Variants in SH3GL2 observed in about 807,000 individuals in gnomAD.
The protein encoded by SH3GL2 is SH3 domain containing GRB2 like 2, endophilin A1.
Under a neutral mutation model 46.0 loss-of-function variants are expected in SH3GL2, and 24 were observed. The observed-to-expected ratio is 0.52, with a 90% CI of 0.38 to 0.73. The LOEUF (loss-of-function observed/expected upper bound fraction) is 0.73. Among genes scored for constraint, SH3GL2 ranks in the 30% least tolerant of loss-of-function variants. The pLI, the probability that SH3GL2 is intolerant of heterozygous loss-of-function variation, is 0.00. For synonymous variants in SH3GL2, 196 were observed against 147.1 expected (o/e 1.33, Z -2.40); for missense variants, 413 against 424.2 (o/e 0.97, Z 0.23).
At chr9:17,733,633 G>A (rs1257608139) in intron 1 of SH3GL2, among the ~76,000 whole-genome samples, 1 of 151,216 alleles carries the variant, frequency 6.6e-6, no homozygotes, top group Non-Finnish European at 1.5e-5. Context: ...TATACCCAAA[G>A]GACTATAAAT....
In SH3GL2 at chr9:17,738,641, T is replaced by TATATATATATAGAGAG. The variant is rs376280314; in HGVS notation, c.46-8424_46-8423insTATATATATAGAGAGA. Among the ~76,000 whole-genome samples, 431 of 88,838 alleles carry TATATATATATAGAGAG rather than the reference T, an allele frequency of 4.9e-3. 9 individuals are homozygous for TATATATATATAGAGAG. The highest frequency in any genetic ancestry group is 0.015 in the Middle Eastern group (2 of 134). 58.3% of individuals were successfully genotyped at this position (88,838 alleles called of 152,430 possible). ...TCATGTGATTTTATATATATATATATAGAGAGAGAGAGAGAGAGAGAGAGA... is the reference window on the plus strand; with the variant it reads ...TCATGTGATTTTATATATATATATATATATATATATAGAGAGAGAGAGAGAGAGAGAGAGAGAGAGA... On this transcript the variant is annotated intron_variant, in intron 1 of 8. Coordinates refer to ENST00000380607, the MANE Select transcript of SH3GL2 (RefSeq NM_003026.5).
chr9:17,783,663 A>C (rs945818364), intron 3 of SH3GL2, among the ~76,000 whole-genome samples: 9 of 152,142 alleles, frequency 5.9e-5, no homozygotes, highest in Non-Finnish European at 1.2e-4. Flanking sequence ...TACTCATTTT[A>C]GCAGAGGACA....
chr9:17,699,929 G>A (rs1446850093), intron 1 of SH3GL2, among the ~76,000 whole-genome samples: 1 of 152,102 alleles, frequency 6.6e-6, no homozygotes, highest in African/African-American at 2.4e-5. Flanking sequence ...TGTATCAAAA[G>A]GTTTACCTGT....
intron 1 of SH3GL2, among the ~76,000 whole-genome samples, chr9:17,648,033 A>G (rs1254926366): frequency 1.3e-5 from 2 of 152,114 alleles, no homozygotes; most frequent in African/African-American, 4.8e-5. Context: ...TGATTTATTA[A>G]TATTTTCTTT....
intron 1 of SH3GL2, among the ~76,000 whole-genome samples, chr9:17,704,043 C>T (rs1452582612): frequency 6.6e-6 from 1 of 152,026 alleles, no homozygotes; most frequent in Non-Finnish European, 1.5e-5. Context: ...TAGAAAATCC[C>T]ATAGTCTCTG....
intron 3 of SH3GL2, among the ~76,000 whole-genome samples, chr9:17,769,528 G>T (rs1057458420): frequency 6.6e-6 from 1 of 151,836 alleles, no homozygotes. Context: ...CCTGCCTCGG[G>T]GTCTTTGCAC....
At chr9:17,710,531 G>A (rs561956861) in intron 1 of SH3GL2, among the ~76,000 whole-genome samples, 9 of 151,894 alleles carry the variant, frequency 5.9e-5, no homozygotes, top group African/African-American at 2.2e-4. Flanking sequence ...ACTATATGAT[G>A]CAGGAATTCT....
At chr9:17,581,611 G>A (rs1274408717) in intron 1 of SH3GL2, among the ~76,000 whole-genome samples, 5 of 152,338 alleles carry the variant, frequency 3.3e-5, no homozygotes, top group Admixed American at 1.3e-4. Context: ...TGAACCTGAT[G>A]TTATCTACAG....
At chr9:17,781,913 G>C (rs759950353) in intron 3 of SH3GL2, among the ~76,000 whole-genome samples, 17 of 152,004 alleles carry the variant, frequency 1.1e-4, no homozygotes, top group Non-Finnish European at 2.1e-4. Flanking sequence ...ATACATTACA[G>C]CCTCACCCAC....
intron 1 of SH3GL2, among the ~76,000 whole-genome samples, chr9:17,734,388 A>G (rs1822266146): frequency 6.6e-6 from 1 of 152,120 alleles, no homozygotes; most frequent in Non-Finnish European, 1.5e-5. Flanking sequence ...TGCATTGGTA[A>G]AGTACTTTAC....
chr9:17,686,940 T>TAA (rs59187344), intron 1 of SH3GL2, among the ~76,000 whole-genome samples: 265 of 148,524 alleles, frequency 1.8e-3, no homozygotes, highest in African/African-American at 6.0e-3. Context: ...AAAGTATAAT[T>TAA]AAAAAAAAAA....
At chr9:17,736,388 T>G (rs1014604372) in intron 1 of SH3GL2, among the ~76,000 whole-genome samples, 2 of 152,138 alleles carry the variant, frequency 1.3e-5, no homozygotes. Flanking sequence ...ATTTCCTCCA[T>G]AGAGAAGTCA....
chr9:17,756,366 T>C (rs1246957456), intron 2 of SH3GL2, among the ~76,000 whole-genome samples: 1 of 152,152 alleles, frequency 6.6e-6, no homozygotes, highest in East Asian at 1.9e-4. Flanking sequence ...TGTGTACATG[T>C]GCACAGCTTG....
At chr9:17,647,498 G>A (rs10810816) in intron 1 of SH3GL2, among the ~76,000 whole-genome samples, 43,896 of 151,904 alleles carry the variant, frequency 0.29, 7,936 homozygotes, top group East Asian at 0.52. Context: ...GTGGAACTGG[G>A]ATTCAAATTG....
chr9:17,753,064 T>C (rs965269609), intron 2 of SH3GL2, among the ~76,000 whole-genome samples: 1 of 152,204 alleles, frequency 6.6e-6, no homozygotes, highest in Non-Finnish European at 1.5e-5. Flanking sequence ...CTGCATAGTA[T>C]TCCATGGTGT....
chr9:17,630,219 C>T (rs759948447), intron 1 of SH3GL2: 1 of 152,208 alleles, frequency 6.6e-6, no homozygotes. Context: ...GAAAGCTATA[C>T]AATACCTTTA....
chr9:17,678,572 T>G (rs537141066), intron 1 of SH3GL2, among the ~76,000 whole-genome samples: 38 of 152,348 alleles, frequency 2.5e-4, no homozygotes, highest in South Asian at 1.2e-3. Flanking sequence ...GTTCTCCCAT[T>G]CTGTAGGTTG....
chr9:17,663,915 T>C (rs1820283105), intron 1 of SH3GL2, among the ~76,000 whole-genome samples: 1 of 152,210 alleles, frequency 6.6e-6, no homozygotes, highest in African/African-American at 2.4e-5. Flanking sequence ...TTTTTCTTTT[T>C]TGTTATGGAG....
chr9:17,674,338 C>G (rs576931532), intron 1 of SH3GL2, among the ~76,000 whole-genome samples: 51 of 152,238 alleles, frequency 3.4e-4, no homozygotes, highest in African/African-American at 1.1e-3. Context: ...GTGATCTCAG[C>G]TCACTGAAAC....
Sources: allele counts gnomAD v4.1 joint callset (sites outside exome capture counted in the v4.1 genomes callset), GRCh38; gene constraint gnomAD v4.1.1; transcripts MANE v1.5; gene names NCBI Gene and HGNC (gene_info 2026-07-23, HGNC 2026-07-21).